Variants in LRRC8D observed in about 807,000 individuals in gnomAD.
LRRC8D encodes the protein leucine rich repeat containing 8 VRAC subunit D, also known as volume-regulated anion channel subunit LRRC8D.
In LRRC8D, 20 loss-of-function variants were observed where a neutral mutation model predicts 55.8. The ratio of observed to expected loss-of-function variants is 0.36; its 90% CI spans 0.25 to 0.52. LRRC8D has a LOEUF of 0.52. Among genes scored for constraint, LRRC8D ranks in the 20% least tolerant of loss-of-function variants. The probability of loss-of-function intolerance (pLI) is 0.93; values close to 1 mark genes in which losing one functional copy is unlikely to be tolerated. For missense variants in LRRC8D, 651 were observed against 1,030.8 expected (o/e 0.63, Z 5.05); for synonymous variants, 352 against 377.0 (o/e 0.93, Z 0.77).
chr1:89,873,084 G>A (rs372767233), intron 2 of LRRC8D, among the ~76,000 whole-genome samples: 7 of 152,270 alleles, frequency 4.6e-5, no homozygotes, highest in African/African-American at 1.7e-4. Context: ...GGCAATTTTG[G>A]TGAAGTGTTC....
intron 2 of LRRC8D, among the ~76,000 whole-genome samples, chr1:89,854,600 T>C (rs6697745): frequency 0.57 from 86,192 of 152,016 alleles, 26,487 homozygotes; most frequent in East Asian, 0.78. Flanking sequence ...TCCTCATCTT[T>C]CAATGGAGGA....
chr1:89,836,175 A>T (rs937979005), intron 1 of LRRC8D, among the ~76,000 whole-genome samples: 51 of 150,704 alleles, frequency 3.4e-4, no homozygotes, highest in African/African-American at 1.2e-3. Flanking sequence ...AATATAGGTC[A>T]TTTTTTTTTC....
At chr1:89,831,185 C>T (rs1341826216) in intron 1 of LRRC8D, among the ~76,000 whole-genome samples, 1 of 152,160 alleles carries the variant, frequency 6.6e-6, no homozygotes, top group African/African-American at 2.4e-5. Context: ...GGATTACAGG[C>T]ATGAGCCACC....
intron 2 of LRRC8D, among the ~76,000 whole-genome samples, chr1:89,901,747 G>A (rs778161202): frequency 1.2e-4 from 18 of 152,156 alleles, no homozygotes; most frequent in East Asian, 1.9e-4. Context: ...AAATAAAGCC[G>A]TGATCATGAG....
chr1:89,842,232 A>G (rs1570810748), intron 1 of LRRC8D, among the ~76,000 whole-genome samples: 1 of 150,988 alleles, frequency 6.6e-6, no homozygotes, highest in East Asian at 1.9e-4. Flanking sequence ...AAAAAAAAAA[A>G]GAATTTGTGA....
At chr1:89,855,522 G>A (rs1369715046) in intron 2 of LRRC8D, among the ~76,000 whole-genome samples, 2 of 152,172 alleles carry the variant, frequency 1.3e-5, no homozygotes, top group Non-Finnish European at 2.9e-5. Context: ...AGAGAAACCT[G>A]GGAATTTCCT....
rs529402601 is a variant in LRRC8D, at chr1:89,895,233, CATATA to C, written c.-2-37828_-2-37824del. Among the ~76,000 whole-genome samples the C allele has an allele frequency of 1.8e-3, 270 of 152,288 alleles. 1 individual carries two copies. Among genetic ancestry groups the C allele is most frequent in the African/African-American group, 6.2e-3 (256 of 41,550 alleles). On this transcript the variant is annotated intron_variant, in intron 2 of 2. Transcript: ENST00000337338. ...CAAGAAAAGATAAGCCTACTATATT[CATATA>C]ATATATTATGAAGTCTGTTAGATGA...
intron 2 of LRRC8D, among the ~76,000 whole-genome samples, chr1:89,862,042 A>C (rs1557456042): frequency 6.6e-6 from 1 of 152,212 alleles, no homozygotes. Flanking sequence ...TGGCAGAGTG[A>C]TATCATTTAG....
At chr1:89,853,382 T>C (rs1006555239) in intron 2 of LRRC8D, among the ~76,000 whole-genome samples, 2 of 152,104 alleles carry the variant, frequency 1.3e-5, no homozygotes, top group Non-Finnish European at 2.9e-5. Context: ...AAGTGAGGGC[T>C]GGAGACAATT....
At position 89,934,467 on chromosome 1, in the gene LRRC8D, A is replaced by G; in HGVS notation, c.1399A>G (p.Asn467Asp). ...FEKLRQHISR[N>D]AQDKQELHLF... is the part of the protein sequence containing the mutation. ...AAAACTCAGGCAGCACATTTCACGC[A>G]ACGCCCAGGACAAGCAGGAGTTGCA... The change falls in exon 3 of 3, where the codon AAC (asparagine) becomes GAC (aspartate). Residue 467 changes from asparagine to aspartate, a missense_variant. Asn to Asp is a conservative substitution (Grantham distance 23). Transcript: ENST00000337338. The surrounding 1 kb of genome is among the most constrained non-coding windows in gnomAD (Gnocchi z 5.9). 3 of 1,614,192 alleles carry G rather than the reference A, an allele frequency of 1.9e-6. No individual in the cohort carries two copies. Among genetic ancestry groups the G allele is most frequent in the Non-Finnish European group, 2.5e-6 (3 of 1,180,032 alleles).
intron 2 of LRRC8D, among the ~76,000 whole-genome samples, chr1:89,851,409 G>A (rs976920432): frequency 1.3e-5 from 2 of 152,054 alleles, no homozygotes; most frequent in African/African-American, 2.4e-5. Flanking sequence ...ATTCTTCCCC[G>A]TCTGCAATTT....
intron 2 of LRRC8D, among the ~76,000 whole-genome samples, chr1:89,904,290 T>G (rs1336116205): frequency 2.0e-5 from 3 of 152,206 alleles, no homozygotes; most frequent in Admixed American, 2.0e-4. Flanking sequence ...ATCTGACCAC[T>G]GGTGAATTCA....
intron 2 of LRRC8D, among the ~76,000 whole-genome samples, chr1:89,927,989 TG>T (rs1273114804): frequency 6.6e-6 from 1 of 152,152 alleles, no homozygotes; most frequent in East Asian, 1.9e-4. Flanking sequence ...TAGGGCATGG[TG>T]GATTACAAAG....
chr1:89,928,798 CA>C (rs1478892938), intron 2 of LRRC8D, among the ~76,000 whole-genome samples: 1 of 152,220 alleles, frequency 6.6e-6, no homozygotes, highest in African/African-American at 2.4e-5. Flanking sequence ...GACACTTCAA[CA>C]GCTGCAAAAT....
rs1390037995 is a variant in LRRC8D, at chr1:89,934,901, A to G, written c.1833A>G (p.Pro611=). 3.1e-6 allele frequency: 5 copies of G among 1,614,128 alleles called. No individual in the cohort carries two copies. The highest frequency in any genetic ancestry group is 4.2e-6 in the Non-Finnish European group (5 of 1,180,006). ...KVPSNITDVA[P]HLTKLVIHND... ...CCTCCAACATTACAGATGTGGCTCC[A>G]CATCTTACAAAGTTAGTCATTCATA... Residue 611 remains proline, a synonymous_variant, in exon 3 of 3, where the codon CCA becomes CCG. Transcript: ENST00000337338. This position sits in a 1 kb window ranked among gnomAD's most constrained non-coding sequence, Gnocchi z 5.9.
At chr1:89,896,945 CATA>C (rs758056361) in intron 2 of LRRC8D, among the ~76,000 whole-genome samples, 3 of 152,154 alleles carry the variant, frequency 2.0e-5, no homozygotes, top group Non-Finnish European at 4.4e-5. Context: ...ATTTAATTGT[CATA>C]ATAATCCCTT....
At chr1:89,824,810 A>T (rs981556112) in intron 1 of LRRC8D, among the ~76,000 whole-genome samples, 1 of 152,204 alleles carries the variant, frequency 6.6e-6, no homozygotes, top group African/African-American at 2.4e-5. Context: ...TGTAATTGAG[A>T]TGTGATCTGG....
intron 2 of LRRC8D, among the ~76,000 whole-genome samples, chr1:89,860,621 G>A: frequency 6.6e-6 from 1 of 150,406 alleles, no homozygotes; most frequent in East Asian, 2.0e-4. Context: ...AGCTGAGCGT[G>A]GTGGTGCGCG....
chr1:89,902,794 G>T (rs1195730462), intron 2 of LRRC8D, among the ~76,000 whole-genome samples: 1 of 152,142 alleles, frequency 6.6e-6, no homozygotes, highest in Non-Finnish European at 1.5e-5. Context: ...AAAGTGCTGG[G>T]ATTACAGGCG....
Sources: allele counts gnomAD v4.1 joint callset (sites outside exome capture counted in the v4.1 genomes callset), GRCh38; gene constraint gnomAD v4.1.1; non-coding constraint Gnocchi (gnomAD v3.1); transcripts MANE v1.5; gene names NCBI Gene and HGNC (gene_info 2026-07-23, HGNC 2026-07-21).